The following KANK2 variants were observed in gnomAD, a reference collection of about 807,000 sequenced individuals.
KANK2 encodes KN motif and ankyrin repeat domains 2.
Under a neutral mutation model 74.6 loss-of-function variants are expected in KANK2, and 41 were observed. That is an observed-to-expected ratio of 0.55 (90% CI 0.43 to 0.71). The LOEUF (loss-of-function observed/expected upper bound fraction) is 0.71, where lower values mean the gene tolerates loss of function less well. KANK2 is among the 30% of genes least tolerant of loss of function. KANK2 has a pLI of 0.00. For missense variants in KANK2, 1,148 were observed against 1,196.4 expected (o/e 0.96, Z 0.60); for synonymous variants, 537 against 519.0 (o/e 1.03, Z -0.47).
At chr19:11,175,103 G>A (rs887018840) in intron 8 of KANK2, among the ~76,000 whole-genome samples, 6 of 151,816 alleles carry the variant, frequency 4.0e-5, no homozygotes, top group Non-Finnish European at 7.4e-5. Context: ...GACCACAGGC[G>A]TGCACCACTA....
intron 12 of KANK2, 58 bp downstream of exon 12, chr19:11,169,819 T>C: frequency 2.1e-6 from 3 of 1,410,096 alleles, no homozygotes; most frequent in Non-Finnish European, 3.0e-6. Context: ...AAACAACAAA[T>C]CTCTGTCCTT....
intron 9 of KANK2, among the ~76,000 whole-genome samples, chr19:11,174,198 T>A (rs1472460210): frequency 2.0e-5 from 3 of 152,050 alleles, no homozygotes; most frequent in Non-Finnish European, 4.4e-5. Flanking sequence ...ATCTCCTCCA[T>A]CAGACTGGGA....
Position 11,175,862 on chromosome 19 carries a change from T to C in KANK2, c.1848+40A>G, listed in dbSNP as rs1303861603. The C allele has an allele frequency of 3.9e-6, 6 of 1,522,654 alleles. No homozygotes were observed. The East Asian group carries it at 9.0e-5, about 23-fold the overall frequency. 94.3% of individuals were successfully genotyped at this position (1,522,654 alleles called of 1,614,324 possible). On this transcript the variant is annotated intron_variant, in intron 8 of 12. Transcript: ENST00000586659. The stretch of plus-strand genomic sequence containing the variant: ...GCCACGGGTGGGGTGGAGGTAGGGG[T>C]CCGGGGGGTGGCCAACCTAGGCCCA...
intron 4 of KANK2, among the ~76,000 whole-genome samples, chr19:11,184,238 T>C (rs2078611950): frequency 7.2e-6 from 1 of 139,008 alleles, no homozygotes; most frequent in African/African-American, 2.6e-5. Context: ...TAGCAGAGTA[T>C]GCTGGCAGGC....
At chr19:11,187,110 G>A (rs1376811187) in intron 4 of KANK2, among the ~76,000 whole-genome samples, 1 of 150,996 alleles carries the variant, frequency 6.6e-6, no homozygotes, top group African/African-American at 2.4e-5. Context: ...ACAAAAATTA[G>A]CCAGGCGTGG....
chr19:11,175,863 C>G (rs1347410493), intron 8 of KANK2, 39 bp downstream of exon 8: 1 of 1,543,862 alleles, frequency 6.5e-7, no homozygotes, highest in South Asian at 1.1e-5. Context: ...AGGTAGGGGT[C>G]CGGGGGGTGG....
In KANK2 at chr19:11,192,786, C is replaced by T. The variant is rs772340018; in HGVS notation, c.1249+45G>A. Reference sequence around the variant, plus strand: ...GATGAGCCATGGGAAGAAAGAGGCCCCCCCCCCCCAAGCCATTCTCCCCTG... The same window carrying T: ...GATGAGCCATGGGAAGAAAGAGGCCTCCCCCCCCCAAGCCATTCTCCCCTG... On this transcript the variant is annotated intron_variant, in intron 4 of 12. Coordinates refer to ENST00000586659, the MANE Select transcript of KANK2 (RefSeq NM_001136191.3). 5.5e-4 allele frequency: 859 copies of T among 1,552,492 alleles called. 24 individuals carry two copies. The East Asian group carries it at 0.019, about 34-fold the overall frequency.
chr19:11,164,989 G>GT lies in KANK2; in HGVS notation c.*1568dup, dbSNP rs2077992496. On this transcript the variant is annotated 3_prime_UTR_variant, in exon 13 of 13. Transcript: ENST00000586659. The stretch of plus-strand genomic sequence containing the variant: ...CACTGGCCTCGAAAGGGCAGCGCGC[G>GT]TATTTGGTTTGGAGCGCACTCCTGA... 1 of 152,126 alleles carries GT rather than the reference G, an allele frequency of 6.6e-6. No homozygotes were observed. Among genetic ancestry groups the GT allele is most frequent in the Non-Finnish European group, 1.5e-5 (1 of 68,040 alleles). The allele number at this position is 152,126 out of a possible 1,614,324, so 9.4% of individuals were successfully genotyped here. A position where few individuals can be genotyped will look rare whatever the true frequency, so the allele number is the denominator to read the frequency against.
intron 4 of KANK2, among the ~76,000 whole-genome samples, chr19:11,181,899 C>T (rs559087211): frequency 6.7e-6 from 1 of 149,936 alleles, no homozygotes; most frequent in South Asian, 2.1e-4. Flanking sequence ...CATACTCAAA[C>T]ATGGATAAGA....
At chr19:11,192,782 G>A (rs2078885350) in intron 4 of KANK2, 49 bp downstream of exon 4, 2 of 1,543,196 alleles carry the variant, frequency 1.3e-6, no homozygotes, top group Non-Finnish European at 1.7e-6. Flanking sequence ...GGAAGAAAGA[G>A]GCCCCCCCCC....
intron 12 of KANK2, among the ~76,000 whole-genome samples, chr19:11,169,168 T>A (rs2078103126): frequency 6.6e-6 from 1 of 151,978 alleles, no homozygotes; most frequent in Admixed American, 6.6e-5. Context: ...TGAAATCCCA[T>A]CTCTACTAAA....
At chr19:11,184,090 C>T (rs575955285) in intron 4 of KANK2, among the ~76,000 whole-genome samples, 1 of 152,230 alleles carries the variant, frequency 6.6e-6, no homozygotes, top group South Asian at 2.1e-4. Context: ...AAAATGAAGA[C>T]TTCTGGCCAG....
intron 4 of KANK2, among the ~76,000 whole-genome samples, chr19:11,186,303 G>A (rs1047055372): frequency 6.6e-6 from 1 of 151,852 alleles, no homozygotes; most frequent in Non-Finnish European, 1.5e-5. Flanking sequence ...CACAAGAATC[G>A]CTTGAACCTG....
At chr19:11,186,885 G>C (rs1035454721) in intron 4 of KANK2, among the ~76,000 whole-genome samples, 1 of 152,136 alleles carries the variant, frequency 6.6e-6, no homozygotes, top group Non-Finnish European at 1.5e-5. Flanking sequence ...CCCACAGAAG[G>C]GGTCGTGTGA....
intron 4 of KANK2, among the ~76,000 whole-genome samples, chr19:11,191,045 T>C (rs1271828931): frequency 2.0e-5 from 3 of 149,144 alleles, no homozygotes; most frequent in Non-Finnish European, 4.4e-5. Flanking sequence ...GTCATTATTA[T>C]TATTAATTAT....
chr19:11,193,180 C>A lies in KANK2; in HGVS notation c.900G>T (p.Leu300=). ...AVLETQLKKA[L]QELQAAQARQ... ...GGGCCTGAGCTGCCTGCAGCTCCTGCAGCGCCTTCTTGAGCTGGGTCTCCA... is the reference window on the plus strand; with the variant it reads ...GGGCCTGAGCTGCCTGCAGCTCCTGAAGCGCCTTCTTGAGCTGGGTCTCCA... The change falls in exon 4 of 13, where the codon CTG becomes CTT. Residue 300 remains leucine (L), a synonymous_variant. Coordinates refer to ENST00000586659, the MANE Select transcript of KANK2 (RefSeq NM_001136191.3). This position sits in a 1 kb window ranked among gnomAD's most constrained non-coding sequence, Gnocchi z 9.6. The A allele has an allele frequency of 1.2e-6, 2 of 1,610,438 alleles. No individual in the cohort carries two copies. Among genetic ancestry groups the A allele is most frequent in the Non-Finnish European group, 8.5e-7 (1 of 1,179,586 alleles).
At chr19:11,190,471 A>G (rs8111456) in intron 4 of KANK2, among the ~76,000 whole-genome samples, 50,463 of 151,982 alleles carry the variant, frequency 0.33, 9,001 homozygotes, top group South Asian at 0.56. Flanking sequence ...ACACAGGACA[A>G]ATGAATCTCC....
chr19:11,196,358 T>A (rs913720884), intron 1 of KANK2: 3 of 152,414 alleles, frequency 2.0e-5, no homozygotes, highest in African/African-American at 7.2e-5. Flanking sequence ...GCACCCAGCC[T>A]AACATCAACT....
intron 12 of KANK2, among the ~76,000 whole-genome samples, chr19:11,168,348 T>G (rs2078082562): frequency 6.6e-6 from 1 of 151,420 alleles, no homozygotes; most frequent in East Asian, 2.0e-4. Context: ...TCTGTCACCA[T>G]GTAGTGATGC....
Sources: allele counts gnomAD v4.1 joint callset (sites outside exome capture counted in the v4.1 genomes callset), GRCh38; gene constraint gnomAD v4.1.1; non-coding constraint Gnocchi (gnomAD v3.1); transcripts MANE v1.5; gene names NCBI Gene and HGNC (gene_info 2026-07-23, HGNC 2026-07-21).